GRIA2: variants seen among roughly 807,000 people sequenced by gnomAD.
GRIA2 encodes glutamate receptor 2.
Under a neutral mutation model 97.3 loss-of-function variants are expected in GRIA2, and 14 were observed. That is an observed-to-expected ratio of 0.14 (90% CI 0.10 to 0.23). The LOEUF (loss-of-function observed/expected upper bound fraction) is 0.23, where lower values mean the gene tolerates loss of function less well. GRIA2 is among the 10% of genes least tolerant of loss of function. The probability of loss-of-function intolerance (pLI) is 1.00; values close to 1 mark genes in which losing one functional copy is unlikely to be tolerated. For missense variants in GRIA2, 558 were observed against 1,069.8 expected (o/e 0.52, Z 6.67); for synonymous variants, 412 against 387.8 (o/e 1.06, Z -0.73).
At position 157,361,134 on chromosome 4, in the gene GRIA2, A is replaced by G. The variant is rs774642211; in HGVS notation, c.2406+10A>G. On this transcript the variant is annotated intron_variant, in intron 14 of 15. Transcript: ENST00000264426. This position sits in a 1 kb window ranked among gnomAD's most constrained non-coding sequence, Gnocchi z 5.2. ...GGGAGGTGATTCCAAGGTCAGCCCC[A>G]GTGAGAAAAGTAATGGGTAACTCAA... 1 of 1,572,052 alleles carries G rather than the reference A, an allele frequency of 6.4e-7. No homozygotes were observed. The highest frequency in any genetic ancestry group is 8.8e-7 in the Non-Finnish European group (1 of 1,141,880).
At chr4:157,296,981 C>A (rs1733375694) in intron 2 of GRIA2, among the ~76,000 whole-genome samples, 1 of 152,152 alleles carries the variant, frequency 6.6e-6, no homozygotes, top group Non-Finnish European at 1.5e-5. Context: ...GTAATTCAGA[C>A]CACACAGAGC....
intron 2 of GRIA2, among the ~76,000 whole-genome samples, chr4:157,234,909 T>A (rs553526340): frequency 6.6e-6 from 1 of 152,118 alleles, no homozygotes; most frequent in Admixed American, 6.6e-5. Context: ...TTTTACTTAC[T>A]GACAATGAGT....
At chr4:157,266,290 C>T (rs1268269599) in intron 2 of GRIA2, among the ~76,000 whole-genome samples, 8 of 152,008 alleles carry the variant, frequency 5.3e-5, no homozygotes, top group East Asian at 1.9e-4. Flanking sequence ...ACTATGATTG[C>T]GGATGAGAGT....
chr4:157,305,572 T>TG (rs1013337955), intron 3 of GRIA2, among the ~76,000 whole-genome samples: 1 of 152,168 alleles, frequency 6.6e-6, no homozygotes, highest in African/African-American at 2.4e-5. Flanking sequence ...TCTGCTGTCT[T>TG]GCTCACTCAT....
chr4:157,359,938 C>A lies in GRIA2; in HGVS notation c.2086C>A (p.Arg696=). Residue 696 remains arginine, a synonymous_variant, in exon 13 of 16, where the codon CGG becomes AGG. Transcript: ENST00000264426. ...AVFDKMWTYM[R]SAEPSVFVRT... is the part of the protein sequence containing the mutation. ...GTTTGATAAAATGTGGACCTACATG[C>A]GGAGTGCGGAGCCCTCTGTGTTTGT... The A allele has an allele frequency of 6.2e-7, 1 of 1,613,194 alleles. No homozygotes were observed. The highest frequency in any genetic ancestry group is 1.1e-5 in the South Asian group (1 of 91,064).
rs945850524 is a variant in GRIA2 at position 157,335,561 on chromosome 4, T to C, written c.1267-110T>C. On this transcript the variant is annotated intron_variant, in intron 9 of 15. Transcript: ENST00000264426. Reference sequence around the variant, plus strand: ...TGTTGTGTGTTCACCATCTATATTCTTCATTCACTCTGGCTAATGGGTAAT... The same window carrying C: ...TGTTGTGTGTTCACCATCTATATTCCTCATTCACTCTGGCTAATGGGTAAT... The C allele has an allele frequency of 3.5e-5, 24 of 690,816 alleles. 1 individual carries two copies. In the Admixed American group the frequency reaches 4.9e-4, roughly 14 times the overall value. The allele number at this position is 690,816 out of a possible 1,614,324, so 42.8% of individuals were successfully genotyped here.
chr4:157,337,604 C>G (rs189797451), intron 11 of GRIA2, among the ~76,000 whole-genome samples: 45 of 151,972 alleles, frequency 3.0e-4, no homozygotes, highest in Admixed American at 2.4e-3. Context: ...TACCCTTCTT[C>G]GATTTTACAG....
At chr4:157,302,634 C>T (rs1733665129) in intron 2 of GRIA2, among the ~76,000 whole-genome samples, 2 of 152,124 alleles carry the variant, frequency 1.3e-5, no homozygotes, top group African/African-American at 2.4e-5. Context: ...TACCCTAGAA[C>T]ATGCCAGGCA....
chr4:157,248,812 AT>A (rs1730890447), intron 2 of GRIA2, among the ~76,000 whole-genome samples: 3 of 125,814 alleles, frequency 2.4e-5, no homozygotes, highest in Admixed American at 8.1e-5. Flanking sequence ...ATATATATAT[AT>A]AAATAAAATA....
chr4:157,304,706 C>A (rs1314925782), intron 3 of GRIA2, among the ~76,000 whole-genome samples: 2 of 152,100 alleles, frequency 1.3e-5, no homozygotes, highest in East Asian at 3.9e-4. Context: ...AGCTTGCTTC[C>A]TGGAATATTT....
At chr4:157,319,751 A>G (rs1734478133) in intron 5 of GRIA2, among the ~76,000 whole-genome samples, 2 of 152,122 alleles carry the variant, frequency 1.3e-5, no homozygotes, top group African/African-American at 4.8e-5. Context: ...ATTTTTTAAA[A>G]ATCTGCAGAT....
intron 2 of GRIA2, among the ~76,000 whole-genome samples, chr4:157,224,843 C>CT (rs1729671295): frequency 1.3e-5 from 2 of 152,110 alleles, no homozygotes; most frequent in East Asian, 1.9e-4. Context: ...ATCTAAACAT[C>CT]TTTTTTCCCA....
At chr4:157,297,144 T>C (rs568548374) in intron 2 of GRIA2, among the ~76,000 whole-genome samples, 2 of 152,220 alleles carry the variant, frequency 1.3e-5, no homozygotes, top group South Asian at 4.1e-4. Flanking sequence ...ATCTAGTCAA[T>C]AGATGTTTAA....
At chr4:157,342,430 A>G (rs4392549) in intron 12 of GRIA2, 26,956 of 983,930 alleles carry the variant, frequency 0.027, 481 homozygotes, top group East Asian at 0.13. Flanking sequence ...ACAGATAGTA[A>G]CTTGGGTGTA....
Position 157,364,030 on chromosome 4 carries a change from G to T in GRIA2, c.*599G>T, listed in dbSNP as rs1461215704. On this transcript the variant is annotated 3_prime_UTR_variant, in exon 16 of 16. Coordinates refer to ENST00000264426, the MANE Select transcript of GRIA2 (RefSeq NM_001083619.3). ...AACAAACTGGCTTTTAAATAAATTT[G>T]CTTCCATATTGGTTGAATAAGACAA... The T allele has an allele frequency of 6.5e-6, 1 of 152,810 alleles. No homozygotes were observed. Among genetic ancestry groups the T allele is most frequent in the South Asian group, 2.1e-4 (1 of 4,824 alleles). 9.5% of individuals were successfully genotyped at this position (152,810 alleles called of 1,614,324 possible). A position where few individuals can be genotyped will look rare whatever the true frequency, so the allele number is the denominator to read the frequency against.
At chr4:157,252,210 G>A (rs1320965026) in intron 2 of GRIA2, among the ~76,000 whole-genome samples, 2 of 152,070 alleles carry the variant, frequency 1.3e-5, no homozygotes, top group South Asian at 2.1e-4. Context: ...GGGTATGCAG[G>A]AAGTTCTTAA....
At chr4:157,248,149 T>C (rs1332838255) in intron 2 of GRIA2, among the ~76,000 whole-genome samples, 1 of 151,408 alleles carries the variant, frequency 6.6e-6, no homozygotes, top group African/African-American at 2.4e-5. Context: ...CGATAGTCTA[T>C]ATTTTTGAAG....
chr4:157,355,550 T>C (rs1400687474), intron 12 of GRIA2, among the ~76,000 whole-genome samples: 2 of 145,234 alleles, frequency 1.4e-5, no homozygotes, highest in Non-Finnish European at 3.0e-5. Flanking sequence ...ATACACAGTC[T>C]TCCTTGGCTT....
chr4:157,221,144 GTGC>G lies in GRIA2; in HGVS notation c.88+16_88+18del, dbSNP rs531872439. ...GCATACAGATAGGTAGGTACCCTTT[GTGC>G]TATGCTTTTGAATTGTGCATAATTT... On this transcript the variant is annotated intron_variant, in intron 1 of 15. Coordinates refer to ENST00000264426, the MANE Select transcript of GRIA2 (RefSeq NM_001083619.3). 261 of 1,279,174 alleles carry G rather than the reference GTGC, an allele frequency of 2.0e-4. 3 individuals are homozygous for G. The South Asian group carries it at 2.8e-3, about 14-fold the overall frequency. 79.2% of individuals were successfully genotyped at this position (1,279,174 alleles called of 1,614,324 possible).
Sources: gnomAD v4.1 joint callset for allele counts (sites outside exome capture counted in the v4.1 genomes callset) on GRCh38, gnomAD v4.1.1 for gene constraint, Gnocchi (gnomAD v3.1) non-coding constraint, MANE v1.5 for transcripts, NCBI Gene and HGNC (gene_info 2026-07-23, HGNC 2026-07-21) for gene names.